The following CASR variants were observed in gnomAD, a reference collection of about 807,000 sequenced individuals.
The protein encoded by CASR is extracellular calcium-sensing receptor.
Under a neutral mutation model 69.1 loss-of-function variants are expected in CASR, and 23 were observed. The observed-to-expected ratio is 0.33, with a 90% CI of 0.24 to 0.47. CASR has a LOEUF of 0.47. CASR is among the 20% of genes least tolerant of loss of function. The pLI is 1.00. For synonymous variants in CASR, 541 were observed against 544.7 expected, an observed-to-expected ratio of 0.99 and a Z score of 0.10; for missense variants, 924 against 1,356.1, an observed-to-expected ratio of 0.68 and a Z score of 5.00.
intron 1 of CASR, among the ~76,000 whole-genome samples, chr3:122,241,355 C>T (rs1366730675): frequency 6.6e-6 from 1 of 152,046 alleles, no homozygotes; most frequent in Non-Finnish European, 1.5e-5. Context: ...GACATTACAA[C>T]TGATACCACA....
chr3:122,279,038 T>C (rs1021406995), intron 5 of CASR, among the ~76,000 whole-genome samples: 2 of 152,234 alleles, frequency 1.3e-5, no homozygotes, highest in African/African-American at 4.8e-5. Flanking sequence ...GTGGCAGTGT[T>C]GTGGGATGGC....
intron 3 of CASR, chr3:122,257,717 T>C: frequency 4.2e-6 from 1 of 238,170 alleles, no homozygotes; most frequent in South Asian, 6.9e-5. Context: ...CTAAAAGGAA[T>C]CAGAGCATAT....
rs146982681 is a variant in CASR, at chr3:122,210,059, G to A, written c.-243+26247G>A. Among the ~76,000 whole-genome samples, 21 of 152,036 alleles carry A rather than the reference G, an allele frequency of 1.4e-4. No individual in the cohort carries two copies. In the East Asian group the frequency reaches 1.7e-3, roughly 13 times the overall value. ...ATATCCCTTCATGTTAAAAACTCTC[G>A]ATAAACTAGGTATTGATGGAACATA... On this transcript the variant is annotated intron_variant, in intron 1 of 6. Transcript: ENST00000639785.
chr3:122,254,036 T>A lies in CASR; in HGVS notation c.-154T>A, dbSNP rs186365367. 222 of 791,968 alleles carry A rather than the reference T, an allele frequency of 2.8e-4. No homozygotes were observed. In the African/African-American group the frequency reaches 3.4e-3, roughly 12 times the overall value. The allele number at this position is 791,968 out of a possible 1,614,324, so 49.1% of individuals were successfully genotyped here. On this transcript the variant is annotated 5_prime_UTR_variant, in exon 2 of 7. The change abolishes an upstream ATG in the 5' untranslated region. Coordinates refer to ENST00000639785, the MANE Select transcript of CASR (RefSeq NM_000388.4). Reference sequence around the variant, plus strand: ...AAGTCTGGATTGAGGAAGGCAGAAATGGAGATTCAAACACCACGTCTTCTA... The same window carrying A: ...AAGTCTGGATTGAGGAAGGCAGAAAAGGAGATTCAAACACCACGTCTTCTA...
chr3:122,223,232 A>G (rs993032074), intron 1 of CASR, among the ~76,000 whole-genome samples: 4 of 152,184 alleles, frequency 2.6e-5, no homozygotes, highest in Non-Finnish European at 4.4e-5. Context: ...GCTGAACTTG[A>G]TGAAATTGAG....
intron 1 of CASR, among the ~76,000 whole-genome samples, chr3:122,210,572 C>T (rs560913514): frequency 2.3e-4 from 35 of 152,238 alleles, no homozygotes; most frequent in Non-Finnish European, 4.4e-4. Context: ...CAAACCACTG[C>T]TCAAGGAAAT....
intron 5 of CASR, 36 bp downstream of exon 5, chr3:122,276,078 C>T (rs532054744): frequency 7.4e-7 from 1 of 1,360,472 alleles, no homozygotes; most frequent in Admixed American, 1.7e-5. Context: ...GATGTCTCCA[C>T]CAGGGGCAGG....
At chr3:122,249,591 T>C (rs1220084567) in intron 1 of CASR, among the ~76,000 whole-genome samples, 1 of 152,236 alleles carries the variant, frequency 6.6e-6, no homozygotes, top group African/African-American at 2.4e-5. Flanking sequence ...ACACTCCTCC[T>C]GATGTCAAGA....
At chr3:122,189,407 A>G (rs1006154272) in intron 1 of CASR, among the ~76,000 whole-genome samples, 2 of 152,206 alleles carry the variant, frequency 1.3e-5, no homozygotes, top group Non-Finnish European at 2.9e-5. Context: ...GTCTTTCCTC[A>G]CATTGAAAAA....
In CASR at chr3:122,284,910, G is replaced by A. The variant is rs1801725; in HGVS notation, c.2956G>A (p.Ala986Thr). 5 of 1,614,062 alleles carry A rather than the reference G, an allele frequency of 3.1e-6. No individual in the cohort carries two copies. Among genetic ancestry groups the A allele is most frequent in the Non-Finnish European group, 4.2e-6 (5 of 1,179,988 alleles). Residue 986 changes from alanine (A) to threonine (T), a missense_variant, in exon 7 of 7, where the codon GCC becomes ACC. Transcript: ENST00000639785. ...GAGCTTTGATGAGCCTCAGAAGAAC[G>A]CCATGGCCCACAGGAATTCTACGCA... is the stretch of plus-strand genomic sequence containing the variant. ...SLSFDEPQKN[A>T]MAHRNSTHQN...
intron 1 of CASR, among the ~76,000 whole-genome samples, chr3:122,215,163 G>T (rs887301330): frequency 2.6e-5 from 4 of 152,230 alleles, no homozygotes; most frequent in Admixed American, 6.5e-5. Context: ...CTGCCTCCAT[G>T]GGTGAACTAA....
At chr3:122,282,765 AG>A (rs1202336756) in intron 6 of CASR, among the ~76,000 whole-genome samples, 1 of 152,258 alleles carries the variant, frequency 6.6e-6, no homozygotes, top group African/African-American at 2.4e-5. Context: ...GCATATTAGA[AG>A]TACTCTATAA....
intron 1 of CASR, among the ~76,000 whole-genome samples, chr3:122,235,907 C>G (rs1317747150): frequency 1.3e-5 from 2 of 152,226 alleles, no homozygotes; most frequent in African/African-American, 4.8e-5. Context: ...GAAAGACGGT[C>G]TAGCAATGGC....
intron 1 of CASR, among the ~76,000 whole-genome samples, chr3:122,201,841 C>G (rs1045842475): frequency 5.3e-5 from 8 of 151,852 alleles, no homozygotes; most frequent in Admixed American, 1.3e-4. Flanking sequence ...CAGAGACGCT[C>G]CTCACTTCCT....
Position 122,225,018 on chromosome 3 carries a change from AGAAGATT to A in CASR, c.-242-28926_-242-28920del, listed in dbSNP as rs1360163766. Among the ~76,000 whole-genome samples, 6 of 152,196 alleles carry A rather than the reference AGAAGATT, an allele frequency of 3.9e-5. No individual in the cohort carries two copies. The East Asian group carries it at 9.6e-4, about 24-fold the overall frequency. ...GCTGGGTTAACTGGCTCGCATAGGC[AGAAGATT>A]GAAACTGGATCCCTTCCTTTCACCA... On this transcript the variant is annotated intron_variant, in intron 1 of 6. Coordinates refer to ENST00000639785, the MANE Select transcript of CASR (RefSeq NM_000388.4).
In CASR at chr3:122,262,352, T is replaced by C. The variant is rs765170020; in HGVS notation, c.1317T>C (p.Pro439=). The change falls in exon 4 of 7, where the codon CCT becomes CCC. Residue 439 remains proline (P), a synonymous_variant. Coordinates refer to ENST00000639785, the MANE Select transcript of CASR (RefSeq NM_000388.4). ...HALQDIYTCL[P]GRGLFTNGSC... is the part of the protein sequence containing the mutation. ...TGCAAGATATATATACCTGCTTACC[T>C]GGGAGAGGGCTCTTCACCAATGGCT... The C allele has an allele frequency of 1.2e-6, 2 of 1,614,070 alleles. No individual in the cohort carries two copies. Among genetic ancestry groups the C allele is most frequent in the African/African-American group, 1.3e-5 (1 of 75,058 alleles).
chr3:122,221,884 A>G (rs1171905423), intron 1 of CASR, among the ~76,000 whole-genome samples: 1 of 152,134 alleles, frequency 6.6e-6, no homozygotes, highest in African/African-American at 2.4e-5. Context: ...CCTTTTACCT[A>G]TTGCTCACCT....
chr3:122,268,503 G>C (rs1373656389), intron 4 of CASR, among the ~76,000 whole-genome samples: 2 of 152,160 alleles, frequency 1.3e-5, no homozygotes, highest in Admixed American at 6.5e-5. Context: ...TGAAGACACT[G>C]GTCCACTGCC....
At chr3:122,253,330 C>A (rs2074517914) in intron 1 of CASR, among the ~76,000 whole-genome samples, 1 of 152,220 alleles carries the variant, frequency 6.6e-6, no homozygotes, top group Non-Finnish European at 1.5e-5. Context: ...CAACCTCCAC[C>A]TCCCAGATTC....
Sources: allele counts gnomAD v4.1 joint callset (sites outside exome capture counted in the v4.1 genomes callset), GRCh38; gene constraint gnomAD v4.1.1; transcripts MANE v1.5; gene names NCBI Gene and HGNC (gene_info 2026-07-23, HGNC 2026-07-21).